CTNNA3: variants seen among roughly 807,000 people sequenced by gnomAD.
CTNNA3 encodes the protein catenin alpha-3.
A neutral mutation model predicts 95.7 loss-of-function variants in CTNNA3; 76 were observed. The ratio of observed to expected loss-of-function variants is 0.79; its 90% CI spans 0.66 to 0.96. The LOEUF (loss-of-function observed/expected upper bound fraction) is 0.96. Ranked by LOEUF, CTNNA3 falls within the 40% of genes least tolerant of loss-of-function variation. CTNNA3 has a pLI of 0.00. For synonymous variants in CTNNA3, 431 were observed against 374.4 expected (o/e 1.15, Z -1.74); for missense variants, 1,191 against 1,089.8 (o/e 1.09, Z -1.31).
intron 5 of CTNNA3, among the ~76,000 whole-genome samples, chr10:67,307,034 G>T (rs887672274): frequency 6.6e-6 from 1 of 152,172 alleles, no homozygotes; most frequent in Non-Finnish European, 1.5e-5. Flanking sequence ...AGAAGGGAAA[G>T]TTATGCATTG....
chr10:67,176,694 G>C (rs1432845873), intron 7 of CTNNA3, among the ~76,000 whole-genome samples: 9 of 152,300 alleles, frequency 5.9e-5, no homozygotes, highest in African/African-American at 2.2e-4. Flanking sequence ...GATTATCCTG[G>C]ATAATCTGGG....
chr10:66,700,422 G>A (rs1284836426), intron 9 of CTNNA3, among the ~76,000 whole-genome samples: 1 of 152,084 alleles, frequency 6.6e-6, no homozygotes, highest in African/African-American at 2.4e-5. Flanking sequence ...TGGTAGCCTT[G>A]CTGAAAATTG....
At chr10:67,290,453 G>A (rs1165386479) in intron 5 of CTNNA3, among the ~76,000 whole-genome samples, 1 of 152,158 alleles carries the variant, frequency 6.6e-6, no homozygotes, top group Non-Finnish European at 1.5e-5. Context: ...AGACAATTGA[G>A]AATTTAATAA....
chr10:67,731,553 A>G (rs945299581), intron 1 of CTNNA3, among the ~76,000 whole-genome samples: 4 of 152,054 alleles, frequency 2.6e-5, no homozygotes, highest in African/African-American at 9.7e-5. Context: ...CTGTAATCCC[A>G]GCACTTTGGG....
intron 9 of CTNNA3, among the ~76,000 whole-genome samples, chr10:66,687,163 T>A (rs186497607): frequency 6.6e-6 from 1 of 152,088 alleles, no homozygotes; most frequent in Non-Finnish European, 1.5e-5. Flanking sequence ...GGAAAAAGGG[T>A]ACATTCATTT....
chr10:66,891,285 GA>G (rs1229188340), intron 7 of CTNNA3, among the ~76,000 whole-genome samples: 1 of 152,136 alleles, frequency 6.6e-6, no homozygotes, highest in East Asian at 1.9e-4. Flanking sequence ...AAGATGAAGG[GA>G]AATTGAAAGA....
chr10:67,464,720 TA>T (rs1355820152), intron 5 of CTNNA3, among the ~76,000 whole-genome samples: 7 of 152,202 alleles, frequency 4.6e-5, no homozygotes, highest in Non-Finnish European at 1.0e-4. Context: ...AATGATTCTA[TA>T]AAGAAAAAGG....
intron 5 of CTNNA3, among the ~76,000 whole-genome samples, chr10:67,247,552 C>G (rs1233082795): frequency 6.6e-6 from 1 of 152,068 alleles, no homozygotes; most frequent in African/African-American, 2.4e-5. Context: ...GATTAGAAAA[C>G]AGTATTTTTA....
At chr10:66,593,130 A>G (rs1338836843) in intron 10 of CTNNA3, among the ~76,000 whole-genome samples, 2 of 152,156 alleles carry the variant, frequency 1.3e-5, no homozygotes, top group African/African-American at 4.8e-5. Flanking sequence ...TGACCATTGC[A>G]TCAGCATTAT....
At chr10:65,994,434 T>C (rs1185749264) in intron 15 of CTNNA3, among the ~76,000 whole-genome samples, 1 of 152,048 alleles carries the variant, frequency 6.6e-6, no homozygotes, top group Non-Finnish European at 1.5e-5. Flanking sequence ...GACATTTTTT[T>C]TTTTTGGTTT....
At chr10:67,101,747 T>C (rs1858354140) in intron 7 of CTNNA3, among the ~76,000 whole-genome samples, 1 of 151,756 alleles carries the variant, frequency 6.6e-6, no homozygotes, top group Admixed American at 6.6e-5. Context: ...AAAATCTTTT[T>C]GAAAAAAAAA....
At chr10:67,723,678 T>G (rs1841192621) in intron 1 of CTNNA3, among the ~76,000 whole-genome samples, 1 of 152,180 alleles carries the variant, frequency 6.6e-6, no homozygotes, top group Non-Finnish European at 1.5e-5. Context: ...TGCTTTTTGG[T>G]CCACTTTCAA....
chr10:67,485,492 T>C (rs1468604324), intron 5 of CTNNA3, among the ~76,000 whole-genome samples: 1 of 152,104 alleles, frequency 6.6e-6, no homozygotes, highest in African/African-American at 2.4e-5. Flanking sequence ...TACCCCTTGA[T>C]TCTAAAATTA....
intron 13 of CTNNA3, among the ~76,000 whole-genome samples, chr10:66,119,722 T>A (rs766856096): frequency 5.3e-5 from 8 of 151,388 alleles, no homozygotes; most frequent in Non-Finnish European, 1.0e-4. Flanking sequence ...ATTCTTGTTT[T>A]TCATTCGTTC....
At chr10:67,726,659 A>C (rs1381674976) in intron 1 of CTNNA3, among the ~76,000 whole-genome samples, 1 of 310 alleles carries the variant, frequency 3.2e-3, no homozygotes, top group Non-Finnish European at 6.3e-3. Flanking sequence ...ATAATATATT[A>C]TATATTATAT....
At chr10:66,744,451 G>A (rs1849435360) in intron 9 of CTNNA3, among the ~76,000 whole-genome samples, 1 of 152,080 alleles carries the variant, frequency 6.6e-6, no homozygotes, top group Admixed American at 6.6e-5. Context: ...ATTTTGTCAA[G>A]ATCACTCAAC....
rs183029597 is a variant in CTNNA3 at position 67,483,875 on chromosome 10, C to A, written c.579+37967G>T. Among the ~76,000 whole-genome samples, 330 of 150,804 alleles carry A rather than the reference C, an allele frequency of 2.2e-3. 2 individuals carry two copies. The highest frequency in any genetic ancestry group is 7.7e-3 in the African/African-American group (315 of 41,108). On this transcript the variant is annotated intron_variant, in intron 5 of 17. Coordinates refer to ENST00000433211, the MANE Select transcript of CTNNA3 (RefSeq NM_013266.4). ...TCCATGCTCATGGATAGGAAGAAAT[C>A]AATATTATTGAAATGGCCATACTGC...
At chr10:66,115,930 G>C (rs376936463) in intron 13 of CTNNA3, among the ~76,000 whole-genome samples, 3 of 152,200 alleles carry the variant, frequency 2.0e-5, no homozygotes, top group South Asian at 2.1e-4. Context: ...TAGACTTTTG[G>C]ACATATTATT....
chr10:66,025,021 G>A (rs777738933), intron 15 of CTNNA3, among the ~76,000 whole-genome samples: 2 of 152,176 alleles, frequency 1.3e-5, no homozygotes, highest in Non-Finnish European at 2.9e-5. Flanking sequence ...AGCAGTGACA[G>A]CTTTGCATCT....
Sources: allele counts gnomAD v4.1 joint callset (sites outside exome capture counted in the v4.1 genomes callset), GRCh38; gene constraint gnomAD v4.1.1; transcripts MANE v1.5; gene names NCBI Gene and HGNC (gene_info 2026-07-23, HGNC 2026-07-21).